Variants in PKD1L1 observed in about 807,000 individuals in gnomAD.
PKD1L1 encodes the protein polycystin-1-like protein 1.
PKD1L1 carries 236 observed loss-of-function variants against 323.4 expected under a neutral mutation model. That is an observed-to-expected ratio of 0.73 (90% CI 0.66 to 0.81). The LOEUF (loss-of-function observed/expected upper bound fraction) is 0.81, where lower values mean the gene tolerates loss of function less well. Ranked by LOEUF, PKD1L1 falls within the 40% of genes least tolerant of loss-of-function variation. PKD1L1 has a pLI of 0.00. For missense variants in PKD1L1, 3,320 were observed against 3,508.0 expected (o/e 0.95, Z 1.35); for synonymous variants, 1,344 against 1,335.0 (o/e 1.01, Z -0.15).
chr7:47,787,111 T>C (rs921064324), intron 56 of PKD1L1, among the ~76,000 whole-genome samples: 1 of 152,142 alleles, frequency 6.6e-6, no homozygotes, highest in Non-Finnish European at 1.5e-5. Context: ...TTCAAACGAA[T>C]TGTTTCCTCA....
intron 2 of PKD1L1, 108 bp downstream of exon 2, chr7:47,943,288 C>G: frequency 1.1e-6 from 1 of 930,214 alleles, no homozygotes; most frequent in South Asian, 1.6e-5. Flanking sequence ...CCTTCTGTTT[C>G]TTAAAAGCAG....
At chr7:47,833,734 C>A (rs1302370585) in intron 40 of PKD1L1, among the ~76,000 whole-genome samples, 6 of 152,186 alleles carry the variant, frequency 3.9e-5, no homozygotes, top group Non-Finnish European at 8.8e-5. Flanking sequence ...AACAGGGCAC[C>A]ATGTGTGCCC....
At position 47,931,350 on chromosome 7, in the gene PKD1L1, T is replaced by C. The variant is rs746678188; in HGVS notation, c.520-29A>G. On this transcript the variant is annotated intron_variant, in intron 5 of 56. Transcript: ENST00000289672. ...AAAAGTTTAAGAACAGTTCAGGGTT[T>C]ATTGAATGGCCTCGTCTGGCATCAG... is the stretch of plus-strand genomic sequence containing the variant. The C allele has an allele frequency of 2.5e-6, 4 of 1,610,490 alleles. No individual in the cohort carries two copies. The Admixed American group carries it at 6.7e-5, about 27-fold the overall frequency.
At chr7:47,821,573 G>A (rs920465326) in intron 45 of PKD1L1, among the ~76,000 whole-genome samples, 1 of 151,976 alleles carries the variant, frequency 6.6e-6, no homozygotes, top group Non-Finnish European at 1.5e-5. Context: ...CGGGCCAGAA[G>A]ATTTTAAATG....
intron 56 of PKD1L1, among the ~76,000 whole-genome samples, chr7:47,781,559 C>A (rs960672569): frequency 3.3e-5 from 5 of 151,866 alleles, no homozygotes; most frequent in Admixed American, 2.0e-4. Flanking sequence ...CAGGAGCCTG[C>A]CACCATGCCC....
At chr7:47,817,579 T>C (rs1785046354) in intron 46 of PKD1L1, among the ~76,000 whole-genome samples, 1 of 152,088 alleles carries the variant, frequency 6.6e-6, no homozygotes, top group Admixed American at 6.6e-5. Flanking sequence ...GTTCGAAAAT[T>C]TCCATATGGC....
chr7:47,952,200 A>G (rs909594933), upstream of PKD1L1, among the ~76,000 whole-genome samples: 1 of 152,196 alleles, frequency 6.6e-6, no homozygotes, highest in African/African-American at 2.4e-5. Flanking sequence ...TGTGGTGAAA[A>G]GAAAGAAAAA....
chr7:47,789,653 T>C (rs1379617605), intron 56 of PKD1L1, among the ~76,000 whole-genome samples: 1 of 152,252 alleles, frequency 6.6e-6, no homozygotes, highest in Non-Finnish European at 1.5e-5. Context: ...CTCCACTTTA[T>C]ATACCATGGG....
chr7:47,792,580 A>C (rs763884637), intron 56 of PKD1L1, 47 bp downstream of exon 56: 1 of 1,540,144 alleles, frequency 6.5e-7, no homozygotes, highest in Non-Finnish European at 8.8e-7. Flanking sequence ...TTTAGAACTT[A>C]AATTGCTATG....
At chr7:47,790,777 GTT>G (rs34956850) in intron 56 of PKD1L1, among the ~76,000 whole-genome samples, 15 of 146,352 alleles carry the variant, frequency 1.0e-4, no homozygotes, top group African/African-American at 1.8e-4. Context: ...TCTGTTTTCT[GTT>G]TTTTTTTTTG....
intron 55 of PKD1L1, among the ~76,000 whole-genome samples, chr7:47,793,634 G>C (rs528198835): frequency 6.6e-6 from 1 of 152,262 alleles, no homozygotes; most frequent in African/African-American, 2.4e-5. Context: ...AACTAAAACA[G>C]TAAATTGGTA....
At position 47,796,111 on chromosome 7, in the gene PKD1L1, A is replaced by G; in HGVS notation, c.8233T>C (p.Ser2745Pro). The change falls in exon 55 of 57, where the codon TCT (serine) becomes CCT (proline). Residue 2745 changes from serine to proline, a missense_variant. By Grantham distance (74) the Ser-to-Pro change is moderately conservative (BLOSUM62 -1). Transcript: ENST00000289672. The part of the protein sequence containing the change: ...FLMTLPQKRK[S>P]FQSKSFVRLK... ...CTCACAAAAGATTTACTTTGAAAAGATTTTCTTTTTTGGGGTAAAGTCATG... is the reference window on the plus strand; with the variant it reads ...CTCACAAAAGATTTACTTTGAAAAGGTTTTCTTTTTTGGGGTAAAGTCATG... 1 of 1,609,322 alleles carries G rather than the reference A, an allele frequency of 6.2e-7. No individual in the cohort carries two copies. The highest frequency in any genetic ancestry group is 8.5e-7 in the Non-Finnish European group (1 of 1,178,286).
At chr7:47,862,207 G>A (rs778843368) in intron 26 of PKD1L1, among the ~76,000 whole-genome samples, 3 of 152,054 alleles carry the variant, frequency 2.0e-5, no homozygotes, top group Non-Finnish European at 4.4e-5. Flanking sequence ...AAAAAAAAGA[G>A]CAATTGGATT....
intron 26 of PKD1L1, among the ~76,000 whole-genome samples, chr7:47,864,616 CTTT>C (rs1562964054): frequency 7.2e-6 from 1 of 139,830 alleles, no homozygotes; most frequent in African/African-American, 2.7e-5. Context: ...TTCTTTCTTT[CTTT>C]CTTTCTTTCT....
At chr7:47,927,397 G>A (rs751440523) in intron 7 of PKD1L1, among the ~76,000 whole-genome samples, 9 of 152,028 alleles carry the variant, frequency 5.9e-5, no homozygotes, top group South Asian at 2.1e-4. Context: ...TCCTGCCCCA[G>A]CCTCCTAAGT....
At chr7:47,829,309 T>C (rs1172127935) in intron 44 of PKD1L1, 116 bp downstream of exon 44, 2 of 1,005,700 alleles carry the variant, frequency 2.0e-6, no homozygotes, top group African/African-American at 1.6e-5. Context: ...AGACATCCCA[T>C]GGGTCTCCAA....
At chr7:47,879,485 T>C (rs1024553129) in intron 21 of PKD1L1, among the ~76,000 whole-genome samples, 6 of 151,430 alleles carry the variant, frequency 4.0e-5, no homozygotes, top group African/African-American at 1.5e-4. Flanking sequence ...TACAAAAAAT[T>C]AGCCGGGCGT....
intron 53 of PKD1L1, among the ~76,000 whole-genome samples, 162 bp from the exon 54 acceptor site, chr7:47,801,041 AC>A (rs1784650941): frequency 6.6e-6 from 1 of 151,850 alleles, no homozygotes; most frequent in Non-Finnish European, 1.5e-5. Context: ...GGCGTATGTC[AC>A]CCTCTCACCC....
Position 47,814,017 on chromosome 7 carries a change from GA to G in PKD1L1, c.7090-4del, listed in dbSNP as rs1373684620. The G allele has an allele frequency of 1.2e-6, 2 of 1,612,958 alleles. No individual in the cohort carries two copies. Among genetic ancestry groups the G allele is most frequent in the Non-Finnish European group, 1.7e-6 (2 of 1,179,588 alleles). ...CATTTTCCTCCAAGAGCTCCAGGCTGAAAGGAGAAAAAAGATGATGAGGACT... is the reference window on the plus strand; with the variant it reads ...CATTTTCCTCCAAGAGCTCCAGGCTGAAGGAGAAAAAAGATGATGAGGACT... On this transcript the variant is annotated splice_polypyrimidine_tract_variant and splice_region_variant and intron_variant, in intron 47 of 56. Transcript: ENST00000289672.
Sources: gnomAD v4.1 joint callset for allele counts (sites outside exome capture counted in the v4.1 genomes callset) on GRCh38, gnomAD v4.1.1 for gene constraint, MANE v1.5 for transcripts, NCBI Gene and HGNC (gene_info 2026-07-23, HGNC 2026-07-21) for gene names.